The following INTS2 variants were observed in gnomAD, a reference collection of about 807,000 sequenced individuals.
The protein encoded by INTS2 is KIAA1287.
Under a neutral mutation model 139.6 loss-of-function variants are expected in INTS2, and 57 were observed. The ratio of observed to expected loss-of-function variants is 0.41; its 90% CI spans 0.33 to 0.51. The LOEUF is 0.51. Among genes scored for constraint, INTS2 ranks in the 20% least tolerant of loss-of-function variants. The pLI is 0.28. For synonymous variants in INTS2, 473 were observed against 493.4 expected (o/e 0.96, Z 0.55); for missense variants, 1,196 against 1,436.7 (o/e 0.83, Z 2.71).
chr17:61,913,362 A>AG lies in INTS2; in HGVS notation c.650-1293dup, dbSNP rs542572043. On this transcript the variant is annotated intron_variant, in intron 5 of 24. Transcript: ENST00000251334. ...TCTCCCAAAAAAAAAACAAAAAAAAAGGAGCCAGAAGAAATTAAAGAAAAA... is the reference window on the plus strand; with the variant it reads ...TCTCCCAAAAAAAAAACAAAAAAAAAGGGAGCCAGAAGAAATTAAAGAAAAA... 2.7e-3 allele frequency among the ~76,000 whole-genome samples: 415 copies of AG among 151,916 alleles called. 3 individuals carry two copies. The highest frequency in any genetic ancestry group is 9.4e-3 in the African/African-American group (390 of 41,430).
At position 61,868,444 on chromosome 17, in the gene INTS2, C is replaced by A. The variant is rs558987721; in HGVS notation, c.3245-435G>T. Among the ~76,000 whole-genome samples, 1 of 151,974 alleles carries A rather than the reference C, an allele frequency of 6.6e-6. No homozygotes were observed. The highest frequency in any genetic ancestry group is 2.4e-5 in the African/African-American group (1 of 41,388). ...GATATAAATACGATGAAAAGAAAAA[C>A]AACAGGGTATTATGGAAATATTATA... On this transcript the variant is annotated intron_variant, in intron 23 of 24. Transcript: ENST00000251334. The surrounding 1 kb of genome is among the most constrained non-coding windows in gnomAD (Gnocchi z 4.7).
chr17:61,900,777 G>C (rs2079396959), intron 9 of INTS2, among the ~76,000 whole-genome samples: 1 of 151,628 alleles, frequency 6.6e-6, no homozygotes, highest in African/African-American at 2.4e-5. Context: ...GACCAACATG[G>C]AGAAACCCCA....
Position 61,870,147 on chromosome 17 carries a change from G to C in INTS2, c.2779-159C>G, listed in dbSNP as rs1367059158. ...TAAGAGCAGAACTGAGCAATCTGTA[G>C]AGCAGTGGTTCTCACCTTTTTAGGA... On this transcript the variant is annotated intron_variant, in intron 20 of 24. Coordinates refer to ENST00000251334, the MANE Select transcript of INTS2 (RefSeq NM_001351695.2). The surrounding 1 kb of genome is among the most constrained non-coding windows in gnomAD (Gnocchi z 4.4). Among the ~76,000 whole-genome samples, 1 of 152,180 alleles carries C rather than the reference G, an allele frequency of 6.6e-6. No homozygotes were observed.
rs1360696221 is a variant in INTS2, at chr17:61,869,523, C to T, written c.3031-143G>A. On this transcript the variant is annotated intron_variant, in intron 21 of 24. Coordinates refer to ENST00000251334, the MANE Select transcript of INTS2 (RefSeq NM_001351695.2). The surrounding 1 kb of genome is among the most constrained non-coding windows in gnomAD (Gnocchi z 5.4). ...GCCCCATATGTAACCTGGCATTTCA[C>T]TTTTCTGATGCACTAGAATAGAGAT... The T allele has an allele frequency of 4.9e-6, 4 of 812,474 alleles. No individual in the cohort carries two copies. In the African/African-American group the frequency reaches 5.2e-5, roughly 11 times the overall value. 50.3% of individuals were successfully genotyped at this position (812,474 alleles called of 1,614,324 possible). A position where few individuals can be genotyped will look rare whatever the true frequency, so the allele number is the denominator to read the frequency against.
In INTS2 at chr17:61,881,040, C is replaced by A; in HGVS notation, c.2221G>T (p.Ala741Ser). The A allele has an allele frequency of 6.2e-7, 1 of 1,613,722 alleles. No individual in the cohort carries two copies. Among genetic ancestry groups the A allele is most frequent in the Non-Finnish European group, 8.5e-7 (1 of 1,179,742 alleles). Residue 741 changes from alanine (A) to serine (S), a missense_variant, in exon 17 of 25, where the codon GCT becomes TCT. Physicochemically the swap from Ala to Ser is moderately conservative, Grantham distance 99. Around this residue, in one of 3 missense-constraint regions of INTS2, gnomAD observed 1,129 missense variants for 1,341.9 expected, o/e 0.84. Transcript: ENST00000251334. ...AGTTGTTTGGGAGAATGATTTTTAG[C>A]ATTATTAGTCAGGAGCATTCGCCGT... ...LLRRMLLTNN[A>S]KNHSPKQLQE...
chr17:61,887,693 T>C (rs1425052081), intron 15 of INTS2, among the ~76,000 whole-genome samples: 1 of 152,104 alleles, frequency 6.6e-6, no homozygotes, highest in Non-Finnish European at 1.5e-5. Context: ...AGATTAAATA[T>C]GTGAGAATAT....
chr17:61,918,923 GTTTTT>G (rs561665201), intron 5 of INTS2, among the ~76,000 whole-genome samples: 1 of 131,028 alleles, frequency 7.6e-6, no homozygotes, highest in Non-Finnish European at 1.6e-5. Context: ...GTTCCTTGGG[GTTTTT>G]TTTTTTTTTT....
chr17:61,866,577 T>C lies in INTS2; in HGVS notation c.*980A>G, dbSNP rs1237511556. 3.3e-5 allele frequency: 5 copies of C among 152,170 alleles called. No individual in the cohort carries two copies. The highest frequency in any genetic ancestry group is 1.2e-4 in the African/African-American group (5 of 41,438). 9.4% of individuals were successfully genotyped at this position (152,170 alleles called of 1,614,324 possible). On this transcript the variant is annotated 3_prime_UTR_variant, in exon 25 of 25. Coordinates refer to ENST00000251334, the MANE Select transcript of INTS2 (RefSeq NM_001351695.2). ...CGGCAAGACAATATTTTCTACACTT[T>C]AACTTTTCCTCAGGTTCAAACACTG...
chr17:61,911,262 C>T, intron 7 of INTS2: 1 of 442,728 alleles, frequency 2.3e-6, no homozygotes, highest in Non-Finnish European at 3.9e-6. Flanking sequence ...CCAGCTGTTC[C>T]TATTTTTAAA....
Position 61,878,023 on chromosome 17 carries a change from A to G in INTS2, c.2320T>C (p.Ser774Pro), listed in dbSNP as rs1195694166. 6.2e-7 allele frequency: 1 copy of G among 1,612,742 alleles called. No individual in the cohort carries two copies. The highest frequency in any genetic ancestry group is 8.5e-7 in the Non-Finnish European group (1 of 1,178,854). The part of the protein sequence containing the change: ...MQIIEHLTLL[S>P]ASELIPYAEV... ...GCATATGGTATAAGTTCACTGGCAG[A>G]GAGTAGAGTCAAGTGTTCTATAATC... is the stretch of plus-strand genomic sequence containing the variant. Residue 774 changes from serine (S) to proline (P), a missense_variant, in exon 18 of 25, where the codon TCT becomes CCT. Coordinates refer to ENST00000251334, the MANE Select transcript of INTS2 (RefSeq NM_001351695.2).
At chr17:61,885,428 T>C (rs79006093) in intron 15 of INTS2, 25,540 of 160,544 alleles carry the variant, frequency 0.16, 2,397 homozygotes, top group East Asian at 0.52. Context: ...TTTTTTTTTT[T>C]TTTGAGACGG....
chr17:61,888,560 CGTGCGTGTGTGT>C (rs1470501359), intron 15 of INTS2, among the ~76,000 whole-genome samples: 1 of 115,146 alleles, frequency 8.7e-6, no homozygotes, highest in Non-Finnish European at 1.8e-5. Flanking sequence ...CGTGTGTGTG[CGTGCGTGTGTGT>C]GTGTGTGTGT....
intron 2 of INTS2, among the ~76,000 whole-genome samples, 156 bp downstream of exon 2, chr17:61,926,196 A>G (rs1439624005): frequency 6.6e-6 from 1 of 152,226 alleles, no homozygotes; most frequent in Non-Finnish European, 1.5e-5. Context: ...GGAAGTCAAA[A>G]GATTCTGGAA....
At chr17:61,891,801 T>A in intron 13 of INTS2, 112 bp from the exon 14 acceptor site, 1 of 769,624 alleles carries the variant, frequency 1.3e-6, no homozygotes, top group Non-Finnish European at 2.0e-6. Flanking sequence ...AAACTCACTA[T>A]TAACTTTTGG....
intron 5 of INTS2, among the ~76,000 whole-genome samples, chr17:61,916,350 C>T (rs1464365048): frequency 1.1e-4 from 16 of 152,046 alleles, no homozygotes; most frequent in African/African-American, 3.9e-4. Context: ...AGGAGAATGG[C>T]GTGAACCCAG....
Position 61,905,592 on chromosome 17 carries a change from C to T in INTS2, c.1182-1007G>A, listed in dbSNP as rs577318460. On this transcript the variant is annotated intron_variant, in intron 8 of 24. Coordinates refer to ENST00000251334, the MANE Select transcript of INTS2 (RefSeq NM_001351695.2). ...CCACAAGCCTTGGCCTCCCAGAGCG[C>T]TCGGATTATGGGCGTGAGCCACTGT... Among the ~76,000 whole-genome samples the T allele has an allele frequency of 4.6e-5, 7 of 152,356 alleles. No individual in the cohort carries two copies. The East Asian group carries it at 1.3e-3, about 29-fold the overall frequency.
At chr17:61,899,630 G>C (rs988413692) in intron 9 of INTS2, among the ~76,000 whole-genome samples, 2 of 151,754 alleles carry the variant, frequency 1.3e-5, no homozygotes, top group African/African-American at 4.8e-5. Context: ...ACCTTATAAG[G>C]CTGGGCACAG....
At position 61,868,988 on chromosome 17, in the gene INTS2, A is replaced by G; in HGVS notation, c.3244+46T>C. 1 of 1,105,986 alleles carries G rather than the reference A, an allele frequency of 9.0e-7. No homozygotes were observed. Among genetic ancestry groups the G allele is most frequent in the Non-Finnish European group, 1.4e-6 (1 of 728,796 alleles). 68.5% of individuals were successfully genotyped at this position (1,105,986 alleles called of 1,614,324 possible). A position where few individuals can be genotyped will look rare whatever the true frequency, so the allele number is the denominator to read the frequency against. ...ACTAAATGCAGAAAATATAGGAACT[A>G]TAATAATTTATGTCAGATGTTTGTT... On this transcript the variant is annotated intron_variant, in intron 23 of 24. Transcript: ENST00000251334. The surrounding 1 kb of genome is among the most constrained non-coding windows in gnomAD (Gnocchi z 4.7).
chr17:61,890,106 G>A (rs2079275139), intron 14 of INTS2, among the ~76,000 whole-genome samples: 1 of 152,120 alleles, frequency 6.6e-6, no homozygotes, highest in Non-Finnish European at 1.5e-5. Context: ...TGCTTAAGTG[G>A]TCTTTAAGAT....
Sources: allele counts gnomAD v4.1 joint callset (sites outside exome capture counted in the v4.1 genomes callset), GRCh38; gene constraint gnomAD v4.1.1; regional missense constraint gnomAD v4.1.1; non-coding constraint Gnocchi (gnomAD v3.1); transcripts MANE v1.5; gene names NCBI Gene and HGNC (gene_info 2026-07-23, HGNC 2026-07-21).